Variants in DENND1B observed in about 807,000 individuals in gnomAD.
DENND1B encodes DENN domain containing 1B.
DENND1B carries 59 observed loss-of-function variants against 90.1 expected under a neutral mutation model. That is an observed-to-expected ratio of 0.65 (90% CI 0.53 to 0.81). The LOEUF is 0.81. DENND1B is among the 40% of genes least tolerant of loss of function. The pLI, the probability that DENND1B is intolerant of heterozygous loss-of-function variation, is 0.00. For missense variants in DENND1B, 862 were observed against 912.6 expected, an observed-to-expected ratio of 0.94 and a Z score of 0.71; for synonymous variants, 337 against 324.6, an observed-to-expected ratio of 1.04 and a Z score of -0.41.
chr1:197,775,212 C>T lies in DENND1B; in HGVS notation c.-57G>A. 4 of 1,235,172 alleles carry T rather than the reference C, an allele frequency of 3.2e-6. No individual in the cohort carries two copies. The highest frequency in any genetic ancestry group is 4.1e-6 in the Non-Finnish European group (4 of 982,008). 76.5% of individuals were successfully genotyped at this position (1,235,172 alleles called of 1,614,324 possible). The stretch of plus-strand genomic sequence containing the variant: ...GCCCCCGCGCGCTGGCCTGGAAGCC[C>T]GCAGCCCGGCCGCGCGAGGGTCGCG... On this transcript the variant is annotated 5_prime_UTR_variant, in exon 1 of 23. Coordinates refer to ENST00000620048, the MANE Select transcript of DENND1B (RefSeq NM_001195215.2).
At chr1:197,608,314 G>A (rs1476569880) in intron 12 of DENND1B, among the ~76,000 whole-genome samples, 1 of 150,550 alleles carries the variant, frequency 6.6e-6, no homozygotes, top group Non-Finnish European at 1.5e-5. Context: ...TGTCTACAGT[G>A]AGGACAGATG....
chr1:197,563,236 A>G (rs1283644654), intron 15 of DENND1B, among the ~76,000 whole-genome samples: 1 of 152,008 alleles, frequency 6.6e-6, no homozygotes, highest in Admixed American at 6.6e-5. Context: ...TATTGGAAGA[A>G]GATATCATCC....
chr1:197,537,943 T>A (rs1258949995), intron 20 of DENND1B, among the ~76,000 whole-genome samples: 1 of 152,088 alleles, frequency 6.6e-6, no homozygotes, highest in East Asian at 1.9e-4. Flanking sequence ...GTTAACTAGC[T>A]TTATTTAATT....
rs56246204 is a variant in DENND1B, at chr1:197,679,808, G to GT, written c.127-5640dup. ...ATAAGAATATGGGTTTCCAAGGGTT[G>GT]TTTTTTTTTTTTTTTTTTTTCAAAA... On this transcript the variant is annotated intron_variant, in intron 3 of 22. Transcript: ENST00000620048. Among the ~76,000 whole-genome samples the GT allele has an allele frequency of 5.6e-3, 513 of 92,018 alleles. 7 individuals carry two copies. Among genetic ancestry groups the GT allele is most frequent in the East Asian group, 0.012 (37 of 3,164 alleles). 60.4% of individuals were successfully genotyped at this position (92,018 alleles called of 152,430 possible). A position where few individuals can be genotyped will look rare whatever the true frequency, so the allele number is the denominator to read the frequency against.
Position 197,526,726 on chromosome 1 carries a change from T to C in DENND1B, c.1515+13238A>G, listed in dbSNP as rs550551823. On this transcript the variant is annotated intron_variant, in intron 20 of 22. Coordinates refer to ENST00000620048, the MANE Select transcript of DENND1B (RefSeq NM_001195215.2). ...TATCTTCCATTATATGTTATTAATA[T>C]ACTAGTATTGTTCAGCAGAGCTAAA... Among the ~76,000 whole-genome samples the C allele has an allele frequency of 7.2e-5, 11 of 152,268 alleles. No individual in the cohort carries two copies. The South Asian group carries it at 1.9e-3, about 26-fold the overall frequency.
At chr1:197,737,620 G>T (rs1662823608) in intron 2 of DENND1B, among the ~76,000 whole-genome samples, 1 of 152,056 alleles carries the variant, frequency 6.6e-6, no homozygotes, top group Non-Finnish European at 1.5e-5. Context: ...AATCATTACG[G>T]TGAGAATGCA....
At chr1:197,713,651 G>T in intron 3 of DENND1B, among the ~76,000 whole-genome samples, 1 of 73,072 alleles carries the variant, frequency 1.4e-5, no homozygotes, top group Non-Finnish European at 2.6e-5. Context: ...ACGTTAGTGG[G>T]TGCAGCGCAC....
intron 2 of DENND1B, among the ~76,000 whole-genome samples, chr1:197,752,739 C>G (rs1653731246): frequency 6.6e-6 from 1 of 151,822 alleles, no homozygotes; most frequent in Non-Finnish European, 1.5e-5. Flanking sequence ...GTGTGCTGCA[C>G]CCGTTAACTC....
In DENND1B at chr1:197,607,295, T is replaced by A. The variant is rs903987735; in HGVS notation, c.820-121A>T. The A allele has an allele frequency of 3.4e-5, 19 of 565,962 alleles. No homozygotes were observed. The Middle Eastern group carries it at 1.5e-3, about 45-fold the overall frequency. 35.1% of individuals were successfully genotyped at this position (565,962 alleles called of 1,614,324 possible). A position where few individuals can be genotyped will look rare whatever the true frequency, so the allele number is the denominator to read the frequency against. On this transcript the variant is annotated intron_variant, in intron 12 of 22. Coordinates refer to ENST00000620048, the MANE Select transcript of DENND1B (RefSeq NM_001195215.2). ...GGCTTGGGAAAAGAAAAAAGGAAAA[T>A]CCTATATTATGAAAGGATAGAAACA... is the stretch of plus-strand genomic sequence containing the variant.
rs575874375 is a variant in DENND1B, at chr1:197,598,360, A to G, written c.922-3027T>C. On this transcript the variant is annotated intron_variant, in intron 13 of 22. Transcript: ENST00000620048. ...TGTAAGAAAACAATTGTTTTTTAAA[A>G]ATCAGTTTTAGATATAAGGATATTA... 2.6e-5 allele frequency among the ~76,000 whole-genome samples: 4 copies of G among 151,920 alleles called. No individual in the cohort carries two copies. The South Asian group carries it at 8.3e-4, about 32-fold the overall frequency.
chr1:197,775,229 AGGGTCGCGCCGTCCCCGCCCACGCC>A lies in DENND1B; in HGVS notation c.-99_-75del. On this transcript the variant is annotated 5_prime_UTR_variant, in exon 1 of 23. Transcript: ENST00000620048. ...TGGAAGCCCGCAGCCCGGCCGCGCG[AGGGTCGCGCCGTCCCCGCCCACGCC>A]GGCGGCCACACAGGGAAAGAGGCTG... 1.7e-6 allele frequency: 2 copies of A among 1,180,588 alleles called. No individual in the cohort carries two copies. The highest frequency in any genetic ancestry group is 2.1e-6 in the Non-Finnish European group (2 of 934,590). The allele number at this position is 1,180,588 out of a possible 1,614,324, so 73.1% of individuals were successfully genotyped here.
chr1:197,699,152 G>A lies in DENND1B; in HGVS notation c.126+15879C>T, dbSNP rs535915355. Among the ~76,000 whole-genome samples the A allele has an allele frequency of 9.2e-5, 14 of 152,048 alleles. 1 individual carries two copies. The highest frequency in any genetic ancestry group is 4.6e-4 in the Admixed American group (7 of 15,244). ...CAATATCCCCAATGAACACCAATGC[G>A]AAAAATCCTCAAAAAATACTGGCAA... On this transcript the variant is annotated intron_variant, in intron 3 of 22. Transcript: ENST00000620048.
chr1:197,510,268 G>T lies in DENND1B; in HGVS notation c.*192C>A. On this transcript the variant is annotated 3_prime_UTR_variant, in exon 23 of 23. Transcript: ENST00000620048. ...ATACACACTAGTACCTGATTTAAAA[G>T]CACAGTAGAATTCGCTTTATATTTA... 1.6e-6 allele frequency: 1 copy of T among 634,974 alleles called. No individual in the cohort carries two copies. Among genetic ancestry groups the T allele is most frequent in the Non-Finnish European group, 2.6e-6 (1 of 386,016 alleles). 39.3% of individuals were successfully genotyped at this position (634,974 alleles called of 1,614,324 possible). A position where few individuals can be genotyped will look rare whatever the true frequency, so the allele number is the denominator to read the frequency against.
chr1:197,629,573 T>C (rs1162806746), intron 10 of DENND1B, among the ~76,000 whole-genome samples: 1 of 151,540 alleles, frequency 6.6e-6, no homozygotes, highest in Non-Finnish European at 1.5e-5. Context: ...ATATACCTAA[T>C]GCTAAATGAT....
At chr1:197,721,065 A>ATTTTTTTTTTTTTTTTTTTTTTTTTTTT (rs11371047) in intron 2 of DENND1B, among the ~76,000 whole-genome samples, 1 of 98,970 alleles carries the variant, frequency 1.0e-5, no homozygotes, top group Non-Finnish European at 1.9e-5. Context: ...GAGAAACGGC[A>ATTTTTTTTTTTTTTTTTTTTTTTTTTTT]TTTTTTTTTT....
At position 197,617,636 on chromosome 1, in the gene DENND1B, G is replaced by T. The variant is rs908750840; in HGVS notation, c.773+23C>A. ...CTAATCATGAAACCTAAACTTAAAG[G>T]AGTCTGGCAAAAGCCAGCTTACCAG... On this transcript the variant is annotated intron_variant, in intron 11 of 22. Coordinates refer to ENST00000620048, the MANE Select transcript of DENND1B (RefSeq NM_001195215.2). 7 of 1,547,446 alleles carry T rather than the reference G, an allele frequency of 4.5e-6. No homozygotes were observed. In the African/African-American group the frequency reaches 8.2e-5, roughly 18 times the overall value.
chr1:197,654,025 T>C (rs1384088801), intron 6 of DENND1B, among the ~76,000 whole-genome samples: 2 of 152,146 alleles, frequency 1.3e-5, no homozygotes, highest in Non-Finnish European at 2.9e-5. Context: ...AACTGTAAAA[T>C]GATGTTAAGA....
At chr1:197,643,366 G>A (rs781045623) in intron 9 of DENND1B, among the ~76,000 whole-genome samples, 4 of 151,764 alleles carry the variant, frequency 2.6e-5, no homozygotes, top group Non-Finnish European at 2.9e-5. Flanking sequence ...CATGTTGGCC[G>A]GGTTGGTCTC....
chr1:197,776,617 TGA>T (rs2102533905), upstream of DENND1B, among the ~76,000 whole-genome samples: 1 of 152,224 alleles, frequency 6.6e-6, no homozygotes, highest in Admixed American at 6.5e-5. Context: ...GAATGTAGTG[TGA>T]GTCATAAGAC....
Sources: allele counts gnomAD v4.1 joint callset (sites outside exome capture counted in the v4.1 genomes callset), GRCh38; gene constraint gnomAD v4.1.1; transcripts MANE v1.5; gene names NCBI Gene and HGNC (gene_info 2026-07-23, HGNC 2026-07-21).